NCALD: variants seen among roughly 807,000 people sequenced by gnomAD.
The protein encoded by NCALD is neurocalcin-delta.
In NCALD, 10 loss-of-function variants were observed where a neutral mutation model predicts 18.6. That is an observed-to-expected ratio of 0.54 (90% CI 0.33 to 0.91). The LOEUF (loss-of-function observed/expected upper bound fraction) is 0.91. Ranked by LOEUF, NCALD falls within the 40% of genes least tolerant of loss-of-function variation. The probability of loss-of-function intolerance (pLI) is 0.03; values close to 1 mark genes in which losing one functional copy is unlikely to be tolerated. For synonymous variants in NCALD, 88 were observed against 87.4 expected (o/e 1.01, Z -0.04); for missense variants, 184 against 247.6 (o/e 0.74, Z 1.72).
chr8:102,110,402 C>G (rs1192025059), intron 1 of NCALD, among the ~76,000 whole-genome samples: 1 of 152,114 alleles, frequency 6.6e-6, no homozygotes, highest in Non-Finnish European at 1.5e-5. Context: ...TTGCTTAGGA[C>G]AGTCCCTATT....
intron 1 of NCALD, among the ~76,000 whole-genome samples, chr8:101,773,244 T>C (rs1811658193): frequency 1.3e-5 from 2 of 152,136 alleles, no homozygotes; most frequent in African/African-American, 4.8e-5. Context: ...TGTCCAGTCA[T>C]GATCCTGAGG....
chr8:101,721,243 T>C (rs1816342168), intron 1 of NCALD: 2 of 152,278 alleles, frequency 1.3e-5, no homozygotes, highest in Non-Finnish European at 2.9e-5. Context: ...ATTTTAATGA[T>C]TGCCAATCTT....
At chr8:102,081,972 A>G (rs1364221267) in intron 1 of NCALD, among the ~76,000 whole-genome samples, 1 of 152,102 alleles carries the variant, frequency 6.6e-6, no homozygotes, top group Non-Finnish European at 1.5e-5. Context: ...CAAACTCACA[A>G]TGAAAAGAGC....
Position 101,804,822 on chromosome 8 carries a change from G to T in NCALD, c.-20+82319C>A, listed in dbSNP as rs1023417974. On this transcript the variant is annotated intron_variant, in intron 4 of 6. Coordinates refer to the NCALD transcript ENST00000311028. ...TACCGAGAAACCAAAACATTTGTGT[G>T]ACTCACTTTATTGCAATGTTCACTT... Among the ~76,000 whole-genome samples the T allele has an allele frequency of 2.7e-4, 41 of 150,864 alleles. No individual in the cohort carries two copies. The Admixed American group carries it at 2.7e-3, about 10-fold the overall frequency.
intron 1 of NCALD, among the ~76,000 whole-genome samples, chr8:102,101,808 G>A (rs762628282): frequency 1.3e-5 from 2 of 152,290 alleles, no homozygotes; most frequent in South Asian, 2.1e-4. Flanking sequence ...ATTACATGAA[G>A]GGCAACTTAG....
chr8:101,690,234 G>A, intron 3 of NCALD: 1 of 985,374 alleles, frequency 1.0e-6, no homozygotes, highest in Non-Finnish European at 1.2e-6. Context: ...GGGACTGCAA[G>A]GCTTTTCCCA....
intron 1 of NCALD, among the ~76,000 whole-genome samples, chr8:102,117,214 A>C (rs550928540): frequency 6.6e-6 from 1 of 152,284 alleles, no homozygotes; most frequent in East Asian, 1.9e-4. Flanking sequence ...ACAGGAAACA[A>C]ATATAAGCTT....
In NCALD at chr8:101,692,902, G is replaced by T; in HGVS notation, c.379-6C>A. On this transcript the variant is annotated splice_region_variant and splice_polypyrimidine_tract_variant and intron_variant, in intron 2 of 3. Transcript: ENST00000220931. The stretch of plus-strand genomic sequence containing the variant: ...GAAACCATCTTATAGATTGCCTGGG[G>T]ACAGAAGCGACATGGTGGTAAGACA... 6.3e-7 allele frequency: 1 copy of T among 1,592,914 alleles called. No homozygotes were observed. Among genetic ancestry groups the T allele is most frequent in the Non-Finnish European group, 8.6e-7 (1 of 1,160,906 alleles).
chr8:102,114,949 G>A (rs1825740620), intron 1 of NCALD, among the ~76,000 whole-genome samples: 1 of 152,150 alleles, frequency 6.6e-6, no homozygotes, highest in African/African-American at 2.4e-5. Context: ...TAGGTAAAAG[G>A]ACACCATCCT....
In NCALD at chr8:101,879,369, G is replaced by A. The variant is rs376753103; in HGVS notation, c.-20+7772C>T. 1.2e-4 allele frequency among the ~76,000 whole-genome samples: 18 copies of A among 152,198 alleles called. No individual in the cohort carries two copies. In the South Asian group the frequency reaches 3.1e-3, roughly 26 times the overall value. ...CAGCAGTGAAGCTGCAGACCTTCGCGGGGAGTATTACAGCTCTTAAGGCCG... is the reference window on the plus strand; with the variant it reads ...CAGCAGTGAAGCTGCAGACCTTCGCAGGGAGTATTACAGCTCTTAAGGCCG... On this transcript the variant is annotated intron_variant, in intron 4 of 6. Coordinates refer to the NCALD transcript ENST00000311028.
chr8:101,941,100 G>C (rs1354705530), intron 2 of NCALD, among the ~76,000 whole-genome samples: 1 of 152,148 alleles, frequency 6.6e-6, no homozygotes, highest in Non-Finnish European at 1.5e-5. Flanking sequence ...CTGCAGTCTA[G>C]GCTATAAGAC....
At chr8:102,042,782 G>C (rs1823097508) in intron 1 of NCALD, among the ~76,000 whole-genome samples, 1 of 151,248 alleles carries the variant, frequency 6.6e-6, no homozygotes, top group Non-Finnish European at 1.5e-5. Flanking sequence ...GGTGGCAAAG[G>C]GTAAGGGCAG....
intron 1 of NCALD, among the ~76,000 whole-genome samples, chr8:102,087,204 A>T (rs549333549): frequency 6.6e-6 from 1 of 152,268 alleles, no homozygotes; most frequent in Non-Finnish European, 1.5e-5. Context: ...CTCTCTCAGG[A>T]TCTGGATTGG....
chr8:101,731,659 G>A (rs1297330298), intron 1 of NCALD, among the ~76,000 whole-genome samples: 7 of 152,120 alleles, frequency 4.6e-5, no homozygotes, highest in Admixed American at 1.3e-4. Flanking sequence ...GCTCTCTCCT[G>A]TTTCAACCTA....
At chr8:101,915,510 G>A (rs1050283275) in intron 3 of NCALD, 9 of 152,140 alleles carry the variant, frequency 5.9e-5, no homozygotes, top group African/African-American at 2.2e-4. Context: ...CAGCTGCCTG[G>A]GATGAAGATG....
At chr8:101,973,566 C>CT (rs988739700) in intron 2 of NCALD, among the ~76,000 whole-genome samples, 1 of 152,164 alleles carries the variant, frequency 6.6e-6, no homozygotes, top group Non-Finnish European at 1.5e-5. Context: ...CCACAAAGAA[C>CT]TAGGAATGTC....
chr8:101,728,464 C>T (rs575055517), intron 1 of NCALD, among the ~76,000 whole-genome samples: 1 of 152,328 alleles, frequency 6.6e-6, no homozygotes, highest in African/African-American at 2.4e-5. Context: ...CAGCTAAAGA[C>T]AAGCTTGGCT....
rs564376258 is a variant in NCALD at position 101,790,879 on chromosome 8, C to G, written c.-37G>C. The G allele has an allele frequency of 1.3e-5, 2 of 152,290 alleles. No individual in the cohort carries two copies. The highest frequency in any genetic ancestry group is 2.1e-4 in the South Asian group (1 of 4,816). The allele number at this position is 152,290 out of a possible 1,614,324, so 9.4% of individuals were successfully genotyped here. On this transcript the variant is annotated 5_prime_UTR_variant, in exon 1 of 4. Transcript: ENST00000220931. ...CTAATTACCTCACTCAGAAGAAGTGCAAGATTTAACAGTCCATGCTCTGCA... is the reference window on the plus strand; with the variant it reads ...CTAATTACCTCACTCAGAAGAAGTGGAAGATTTAACAGTCCATGCTCTGCA...
intron 3 of NCALD, among the ~76,000 whole-genome samples, chr8:101,905,505 A>G (rs1817582705): frequency 6.6e-6 from 1 of 152,062 alleles, no homozygotes. Context: ...TTCCATTTCC[A>G]TAGATGCCAC....
Sources: gnomAD v4.1 joint callset for allele counts (sites outside exome capture counted in the v4.1 genomes callset) on GRCh38, gnomAD v4.1.1 for gene constraint, MANE v1.5 for transcripts, NCBI Gene and HGNC (gene_info 2026-07-23, HGNC 2026-07-21) for gene names.